Variants in DOCK9 observed in about 807,000 individuals in gnomAD.
DOCK9 encodes the protein dedicator of cytokinesis 9.
A neutral mutation model predicts 263.3 loss-of-function variants in DOCK9; 89 were observed. The observed-to-expected ratio is 0.34, with a 90% confidence interval of 0.28 to 0.40. The LOEUF (loss-of-function observed/expected upper bound fraction) is 0.40. DOCK9 is among the 10% of genes least tolerant of loss of function. DOCK9 has a pLI of 1.00. For missense variants in DOCK9, 2,140 were observed against 2,603.4 expected, an observed-to-expected ratio of 0.82 and a Z score of 3.87; for synonymous variants, 976 against 973.1, an observed-to-expected ratio of 1.00 and a Z score of -0.06.
chr13:98,880,735 G>C, intron 25 of DOCK9, 63 bp from the exon 26 acceptor site: 1 of 1,579,036 alleles, frequency 6.3e-7, no homozygotes, highest in Non-Finnish European at 8.6e-7. Context: ...GAAAGCTTGA[G>C]AGACTCCCAA....
chr13:98,999,316 A>ACACACACACACACACACACTCTCTCT, intron 1 of DOCK9, among the ~76,000 whole-genome samples: 202 of 138,336 alleles, frequency 1.5e-3, no homozygotes, highest in Middle Eastern at 0.012. Flanking sequence ...ACACACACAC[A>ACACACACACACACACACACTCTCTCT]CTCTCTCTCT....
rs549375067 is a variant in DOCK9, at chr13:98,867,283, T to C, written c.3286+142A>G. The C allele has an allele frequency of 4.1e-5, 25 of 616,434 alleles. No homozygotes were observed. In the Admixed American group the frequency reaches 8.1e-4, roughly 20 times the overall value. The allele number at this position is 616,434 out of a possible 1,614,324, so 38.2% of individuals were successfully genotyped here. On this transcript the variant is annotated intron_variant, in intron 30 of 52. Transcript: ENST00000682017. Reference sequence around the variant, plus strand: ...CATATTTTACCAATACTTTTTGAAATGGAAATTTCATAAGAAAAAAATTAA... The same window carrying C: ...CATATTTTACCAATACTTTTTGAAACGGAAATTTCATAAGAAAAAAATTAA...
chr13:99,001,426 T>C (rs1034941688), intron 1 of DOCK9, among the ~76,000 whole-genome samples: 25 of 152,218 alleles, frequency 1.6e-4, no homozygotes, highest in African/African-American at 5.5e-4. Flanking sequence ...CTTTCTGCCA[T>C]GGGTAGTGAT....
chr13:98,861,988 G>A (rs906182661), intron 32 of DOCK9, among the ~76,000 whole-genome samples: 6 of 152,140 alleles, frequency 3.9e-5, no homozygotes, highest in Non-Finnish European at 8.8e-5. Flanking sequence ...TATAACTGGG[G>A]CTACCATGAC....
chr13:99,081,882 A>T (rs1177375097), intron 1 of DOCK9, among the ~76,000 whole-genome samples: 1 of 152,162 alleles, frequency 6.6e-6, no homozygotes, highest in Non-Finnish European at 1.5e-5. Flanking sequence ...ATTACCAAAC[A>T]TTATAAATTA....
chr13:98,903,322 G>A (rs1289092142), intron 10 of DOCK9, among the ~76,000 whole-genome samples: 4 of 152,230 alleles, frequency 2.6e-5, no homozygotes, highest in Middle Eastern at 3.4e-3. Context: ...GGCCGGGCAC[G>A]GTGGCTCACG....
intron 1 of DOCK9, among the ~76,000 whole-genome samples, chr13:99,070,763 A>G (rs913482246): frequency 6.6e-6 from 1 of 152,222 alleles, no homozygotes; most frequent in African/African-American, 2.4e-5. Flanking sequence ...ACTATATCCT[A>G]CTGCCATCCA....
intron 1 of DOCK9, among the ~76,000 whole-genome samples, chr13:98,999,403 A>C (rs958544525): frequency 3.9e-5 from 6 of 152,184 alleles, no homozygotes; most frequent in African/African-American, 1.4e-4. Flanking sequence ...AAATAGTTTT[A>C]AATTGGCTTT....
intron 39 of DOCK9, chr13:98,832,021 C>A: frequency 1.9e-6 from 1 of 525,524 alleles, no homozygotes; most frequent in Non-Finnish European, 3.3e-6. Flanking sequence ...TTGAAAGGAA[C>A]ACTTGCTTAG....
At chr13:99,082,769 C>T (rs1252399937) in intron 1 of DOCK9, among the ~76,000 whole-genome samples, 1 of 152,102 alleles carries the variant, frequency 6.6e-6, no homozygotes, top group Non-Finnish European at 1.5e-5. Context: ...CTTCCAACAA[C>T]AATACAAGGA....
At chr13:98,901,095 C>T (rs994500362) in intron 13 of DOCK9, among the ~76,000 whole-genome samples, 1 of 152,178 alleles carries the variant, frequency 6.6e-6, no homozygotes. Context: ...GTCAAGTGCC[C>T]CCTGGCAGCT....
intron 1 of DOCK9, among the ~76,000 whole-genome samples, chr13:99,057,272 C>T (rs7990245): frequency 0.22 from 33,357 of 152,130 alleles, 3,651 homozygotes; most frequent in Middle Eastern, 0.3. Flanking sequence ...ACATCTAATT[C>T]CTAGCATACA....
At chr13:99,015,636 A>G in intron 1 of DOCK9, 1 of 1,573,840 alleles carries the variant, frequency 6.4e-7, no homozygotes, top group East Asian at 2.3e-5. Flanking sequence ...TCAGTTTTTT[A>G]GCAATCTCTA....
chr13:99,024,771 A>G (rs542011716), intron 1 of DOCK9, among the ~76,000 whole-genome samples: 14 of 152,238 alleles, frequency 9.2e-5, no homozygotes, highest in Non-Finnish European at 1.9e-4. Context: ...AGTAATAATG[A>G]TACTAATGTG....
intron 47 of DOCK9, 72 bp from the exon 48 acceptor site, chr13:98,807,879 T>C (rs2090902733): frequency 7.7e-7 from 1 of 1,296,766 alleles, no homozygotes; most frequent in South Asian, 2.1e-5. Context: ...AAGCGTTCTT[T>C]TATTACAAGG....
At chr13:98,923,400 T>G in intron 4 of DOCK9, 29 bp from the exon 5 acceptor site, 2 of 1,577,228 alleles carry the variant, frequency 1.3e-6, no homozygotes, top group African/African-American at 2.7e-5. Flanking sequence ...AAATTTGTTT[T>G]AGAAATGCCT....
chr13:98,821,554 C>T (rs1303330720), intron 45 of DOCK9, among the ~76,000 whole-genome samples: 2 of 152,170 alleles, frequency 1.3e-5, no homozygotes, highest in African/African-American at 2.4e-5. Flanking sequence ...GTACTGCATT[C>T]GTTAACAAGG....
At chr13:98,937,601 T>C (rs996723239) in intron 2 of DOCK9, among the ~76,000 whole-genome samples, 5 of 151,968 alleles carry the variant, frequency 3.3e-5, no homozygotes, top group South Asian at 2.1e-4. Flanking sequence ...ATCACAGGCA[T>C]AATTAAAAAG....
intron 38 of DOCK9, among the ~76,000 whole-genome samples, chr13:98,845,596 C>T (rs867257109): frequency 4.6e-5 from 7 of 152,270 alleles, no homozygotes; most frequent in Middle Eastern, 6.8e-3. Flanking sequence ...AACATTAAGT[C>T]GGTTCTAGGT....
Sources: gnomAD v4.1 joint callset for allele counts (sites outside exome capture counted in the v4.1 genomes callset) on GRCh38, gnomAD v4.1.1 for gene constraint, MANE v1.5 for transcripts, NCBI Gene and HGNC (gene_info 2026-07-23, HGNC 2026-07-21) for gene names.